ZFAND3: variants seen among roughly 807,000 people sequenced by gnomAD.
ZFAND3 encodes zinc finger AN1-type containing 3, also known as AN1-type zinc finger protein 3.
A neutral mutation model predicts 29.6 loss-of-function variants in ZFAND3; 10 were observed. That is an observed-to-expected ratio of 0.34 (90% CI 0.21 to 0.57). The LOEUF is 0.57. Ranked by LOEUF, ZFAND3 falls within the 20% of genes least tolerant of loss-of-function variation. The probability of loss-of-function intolerance (pLI) is 0.86; values close to 1 mark genes in which losing one functional copy is unlikely to be tolerated. For missense variants in ZFAND3, 230 were observed against 304.5 expected (o/e 0.76, Z 1.82); for synonymous variants, 128 against 112.6 (o/e 1.14, Z -0.87).
At chr6:38,015,388 C>T (rs752195874) in intron 2 of ZFAND3, among the ~76,000 whole-genome samples, 22 of 152,164 alleles carry the variant, frequency 1.4e-4, no homozygotes, top group Non-Finnish European at 3.2e-4. Context: ...TGAATACTGC[C>T]TTCATGAACA....
chr6:38,072,511 T>C (rs768692928), intron 3 of ZFAND3, among the ~76,000 whole-genome samples: 1 of 152,230 alleles, frequency 6.6e-6, no homozygotes, highest in Non-Finnish European at 1.5e-5. Flanking sequence ...GTAAAGGTCA[T>C]GTAAACAACC....
intron 1 of ZFAND3, among the ~76,000 whole-genome samples, chr6:37,847,235 T>C (rs1764198276): frequency 6.6e-6 from 1 of 152,178 alleles, no homozygotes; most frequent in Non-Finnish European, 1.5e-5. Context: ...TTTTAAAATA[T>C]TAGCTCATGT....
At chr6:37,927,402 G>A (rs896289563) in intron 1 of ZFAND3, among the ~76,000 whole-genome samples, 14 of 152,162 alleles carry the variant, frequency 9.2e-5, no homozygotes, top group African/African-American at 3.4e-4. Context: ...TCAGAAGGGC[G>A]CCTGATTCTC....
chr6:37,934,529 TAAAA>T (rs34477813), intron 2 of ZFAND3, among the ~76,000 whole-genome samples: 21 of 125,348 alleles, frequency 1.7e-4, no homozygotes, highest in Non-Finnish European at 6.6e-5. Flanking sequence ...TTAGTCTATT[TAAAA>T]AAAAAAAAAA....
intron 2 of ZFAND3, among the ~76,000 whole-genome samples, chr6:38,060,262 T>G (rs1581882557): frequency 6.6e-6 from 1 of 152,142 alleles, no homozygotes; most frequent in African/African-American, 2.4e-5. Flanking sequence ...AGAAGCCTCT[T>G]TTACTATTTT....
chr6:37,821,653 C>T (rs1451811498), intron 1 of ZFAND3, among the ~76,000 whole-genome samples: 1 of 152,162 alleles, frequency 6.6e-6, no homozygotes, highest in Non-Finnish European at 1.5e-5. Flanking sequence ...GATTGTAACT[C>T]ATTGTAAGAC....
intron 4 of ZFAND3, among the ~76,000 whole-genome samples, chr6:38,083,739 C>T (rs1339362817): frequency 6.6e-6 from 1 of 152,114 alleles, no homozygotes; most frequent in Non-Finnish European, 1.5e-5. Flanking sequence ...CACACTGGGT[C>T]ATCCTGAGAG....
At chr6:37,981,933 G>A (rs1251402287) in intron 2 of ZFAND3, among the ~76,000 whole-genome samples, 1 of 152,108 alleles carries the variant, frequency 6.6e-6, no homozygotes, top group African/African-American at 2.4e-5. Context: ...GGTTCAGTTT[G>A]GACAACTCAA....
At chr6:37,822,079 C>T (rs1417052740) in intron 1 of ZFAND3, among the ~76,000 whole-genome samples, 1 of 152,218 alleles carries the variant, frequency 6.6e-6, no homozygotes, top group African/African-American at 2.4e-5. Flanking sequence ...AGGTGATCTG[C>T]CTGCCTTGGA....
chr6:37,820,441 C>G (rs980570511), intron 1 of ZFAND3, among the ~76,000 whole-genome samples: 3 of 152,170 alleles, frequency 2.0e-5, no homozygotes, highest in Admixed American at 1.3e-4. Flanking sequence ...TTTCCTCTGA[C>G]TTCTTCACCT....
intron 5 of ZFAND3, among the ~76,000 whole-genome samples, chr6:38,141,910 C>T (rs1581954303): frequency 6.6e-6 from 1 of 152,312 alleles, no homozygotes; most frequent in Non-Finnish European, 1.5e-5. Context: ...TGAGCACATG[C>T]CGGGTGCTTC....
chr6:38,039,117 A>G (rs1763712805), intron 2 of ZFAND3, among the ~76,000 whole-genome samples: 1 of 152,158 alleles, frequency 6.6e-6, no homozygotes, highest in Non-Finnish European at 1.5e-5. Flanking sequence ...TTTGCCAGTT[A>G]TCTCTTCTCT....
intron 1 of ZFAND3, among the ~76,000 whole-genome samples, chr6:37,846,402 G>A (rs1442942718): frequency 1.3e-5 from 2 of 152,138 alleles, no homozygotes; most frequent in Admixed American, 1.3e-4. Flanking sequence ...GTCCAACCTG[G>A]AGAACATAGC....
chr6:37,959,326 G>A (rs1463628282), intron 2 of ZFAND3, among the ~76,000 whole-genome samples: 2 of 152,194 alleles, frequency 1.3e-5, no homozygotes, highest in African/African-American at 4.8e-5. Flanking sequence ...TCCTGCAGAT[G>A]CACTTAGTCT....
At chr6:37,891,613 C>A (rs951423690) in intron 1 of ZFAND3, among the ~76,000 whole-genome samples, 2 of 151,840 alleles carry the variant, frequency 1.3e-5, no homozygotes, top group East Asian at 1.9e-4. Flanking sequence ...ATAAATAAAT[C>A]ATAGAACAAC....
intron 2 of ZFAND3, among the ~76,000 whole-genome samples, chr6:37,935,685 A>ATAT (rs1166293584): frequency 6.6e-6 from 1 of 152,226 alleles, no homozygotes; most frequent in African/African-American, 2.4e-5. Flanking sequence ...AAATATGTGT[A>ATAT]TATTACTATT....
At chr6:38,083,179 C>G (rs1254513269) in intron 4 of ZFAND3, among the ~76,000 whole-genome samples, 1 of 152,000 alleles carries the variant, frequency 6.6e-6, no homozygotes, top group East Asian at 1.9e-4. Flanking sequence ...TTAAAAAATC[C>G]TTGTAACTCC....
chr6:38,094,346 G>T (rs898967121), intron 4 of ZFAND3, among the ~76,000 whole-genome samples: 1 of 151,518 alleles, frequency 6.6e-6, no homozygotes, highest in African/African-American at 2.4e-5. Context: ...AAAAAGCAAA[G>T]GGGAACAAGT....
In ZFAND3 at chr6:38,012,693, C is replaced by CT. The variant is rs533702827; in HGVS notation, c.113-48897dup. On this transcript the variant is annotated intron_variant, in intron 2 of 5. Transcript: ENST00000287218. ...TGCCTGGCTGATAGTAATTTTTAAT[C>CT]TTTATGTGATGAGGTGTGCAGGTCC... is the stretch of plus-strand genomic sequence containing the variant. 2.8e-4 allele frequency among the ~76,000 whole-genome samples: 43 copies of CT among 152,152 alleles called. No homozygotes were observed. The East Asian group carries it at 8.1e-3, about 29-fold the overall frequency.
Sources: gnomAD v4.1 joint callset for allele counts (sites outside exome capture counted in the v4.1 genomes callset) on GRCh38, gnomAD v4.1.1 for gene constraint, MANE v1.5 for transcripts, NCBI Gene and HGNC (gene_info 2026-07-23, HGNC 2026-07-21) for gene names.